CPLANE1: variants seen among roughly 807,000 people sequenced by gnomAD.
The protein encoded by CPLANE1 is ciliogenesis and planar polarity effector 1.
Under a neutral mutation model 362.5 loss-of-function variants are expected in CPLANE1, and 263 were observed. The ratio of observed to expected loss-of-function variants is 0.73; its 90% CI spans 0.66 to 0.80. CPLANE1 has a LOEUF of 0.80. Among genes scored for constraint, CPLANE1 ranks in the 30% least tolerant of loss-of-function variants. CPLANE1 has a pLI of 0.00. For missense variants in CPLANE1, 3,461 were observed against 3,793.4 expected, an observed-to-expected ratio of 0.91 and a Z score of 2.30; for synonymous variants, 1,212 against 1,302.6, an observed-to-expected ratio of 0.93 and a Z score of 1.50.
chr5:37,173,007 T>A (rs1204671806), intron 32 of CPLANE1, among the ~76,000 whole-genome samples: 5 of 151,900 alleles, frequency 3.3e-5, no homozygotes, highest in Admixed American at 6.6e-5. Context: ...ATAAAAAAAA[T>A]TTTTAAAAAG....
intron 18 of CPLANE1, among the ~76,000 whole-genome samples, chr5:37,204,748 T>A (rs1451571615): frequency 1.3e-4 from 19 of 142,260 alleles, no homozygotes; most frequent in Admixed American, 2.1e-4. Flanking sequence ...CTTTAATATT[T>A]AAAAAAAAAA....
In CPLANE1 at chr5:37,158,299, A is replaced by C; in HGVS notation, c.7737T>G (p.Tyr2579Ter). The C allele has an allele frequency of 6.2e-7, 1 of 1,613,958 alleles. No homozygotes were observed. The highest frequency in any genetic ancestry group is 8.5e-7 in the Non-Finnish European group (1 of 1,179,904). ...TAPQLLVPDVYLNLKLSSEMS... is the reference protein window; with the variant it reads ...TAPQLLVPDV Reference sequence around the variant, plus strand: ...TTTCACTGGAAAGCTTCAGATTTAGATAGACATCTGGGACCAAGAGCTGAG... The same window carrying C: ...TTTCACTGGAAAGCTTCAGATTTAGCTAGACATCTGGGACCAAGAGCTGAG... The change falls in exon 39 of 53, where the codon TAT (tyrosine) becomes TAG (stop). Residue 2579 changes from tyrosine to a stop codon, truncating the protein, a stop_gained. Coordinates refer to ENST00000651892, the MANE Select transcript of CPLANE1 (RefSeq NM_001384732.1). LOFTEE classifies it high-confidence loss of function.
chr5:37,220,880 C>T (rs1303870107), intron 15 of CPLANE1, among the ~76,000 whole-genome samples: 4 of 152,188 alleles, frequency 2.6e-5, no homozygotes, highest in Non-Finnish European at 4.4e-5. Context: ...CACTAAACTG[C>T]TGTAAGCAAT....
chr5:37,084,928 C>G, the CPLANE1 span: 2 of 486,432 alleles, frequency 4.1e-6, no homozygotes, highest in Non-Finnish European at 7.4e-6. Flanking sequence ...ACATTTCATG[C>G]AAATGGACAC....
chr5:37,206,344 G>T lies in CPLANE1; in HGVS notation c.3002C>A (p.Thr1001Lys). 1 of 1,551,586 alleles carries T rather than the reference G, an allele frequency of 6.4e-7. No individual in the cohort carries two copies. Among genetic ancestry groups the T allele is most frequent in the South Asian group, 1.2e-5 (1 of 84,056 alleles). The change falls in exon 17 of 53, where the codon ACA (threonine) becomes AAA (lysine). Residue 1001 changes from threonine to lysine, a missense_variant. Physicochemically the swap from Thr to Lys is moderately conservative, Grantham distance 78 (BLOSUM62 -1). Coordinates refer to ENST00000651892, the MANE Select transcript of CPLANE1 (RefSeq NM_001384732.1). ...TAGTAATTCAAGTGCATATTCAACT[G>T]TCCACACATTAGAGAGATTCTGATC... The part of the protein sequence containing the change: ...VRDQNLSNVW[T>K]VEYALELLFI...
chr5:37,170,890 C>T (rs1386860952), intron 32 of CPLANE1, among the ~76,000 whole-genome samples: 2 of 152,160 alleles, frequency 1.3e-5, no homozygotes, highest in African/African-American at 4.8e-5. Context: ...GAGCCAAGAT[C>T]GTGCCACTGC....
chr5:37,122,368 T>A (rs897860506), intron 48 of CPLANE1, 62 bp downstream of exon 48: 38 of 1,260,070 alleles, frequency 3.0e-5, no homozygotes, highest in Non-Finnish European at 4.4e-5. Context: ...CCTAAGGCAT[T>A]AATCTATGCC....
rs992985282 is a variant in CPLANE1 at position 37,206,413 on chromosome 5, C to T, written c.2933G>A (p.Arg978Gln). 14 of 1,549,660 alleles carry T rather than the reference C, an allele frequency of 9.0e-6. No homozygotes were observed. Among genetic ancestry groups the T allele is most frequent in the East Asian group, 4.9e-5 (2 of 40,918 alleles). Reference sequence around the variant, plus strand: ...CTTAGAGTGTTGCAGAGGAATAAGTCGAAAGGACTGCTCTGTGAGTAAATT... The same window carrying T: ...CTTAGAGTGTTGCAGAGGAATAAGTTGAAAGGACTGCTCTGTGAGTAAATT... ...PLHIKTEQSF[R>Q]LIPLQHSKVA... Residue 978 changes from arginine to glutamine, a missense_variant, in exon 17 of 53, where the codon CGA (arginine) becomes CAA (glutamine). Arg to Gln is a conservative substitution (Grantham distance 43, BLOSUM62 1). Coordinates refer to ENST00000651892, the MANE Select transcript of CPLANE1 (RefSeq NM_001384732.1).
chr5:37,242,345 C>T (rs1800747647), intron 6 of CPLANE1, among the ~76,000 whole-genome samples: 1 of 151,116 alleles, frequency 6.6e-6, no homozygotes, highest in African/African-American at 2.4e-5. Flanking sequence ...CAGAGCAAGA[C>T]TCCATCTCAA....
intron 32 of CPLANE1, 51 bp downstream of exon 32, chr5:37,173,704 C>T (rs1009639502): frequency 7.0e-7 from 1 of 1,421,670 alleles, no homozygotes; most frequent in South Asian, 1.2e-5. Flanking sequence ...TTTTAAAACC[C>T]TACATGTACA....
intron 25 of CPLANE1, 90 bp from the exon 26 acceptor site, chr5:37,183,789 G>T: frequency 1.1e-6 from 1 of 886,468 alleles, no homozygotes; most frequent in Non-Finnish European, 1.7e-6. Context: ...TCTCTCCAAT[G>T]ATTAAGTCAT....
In CPLANE1 at chr5:37,179,396, T is replaced by C. The variant is rs1273330212; in HGVS notation, c.5785A>G (p.Ile1929Val). 6.2e-7 allele frequency: 1 copy of C among 1,613,144 alleles called. No homozygotes were observed. Among genetic ancestry groups the C allele is most frequent in the African/African-American group, 1.3e-5 (1 of 74,888 alleles). The change falls in exon 29 of 53, where the codon ATT becomes GTT. Residue 1929 changes from isoleucine (I) to valine (V), a missense_variant. Ile to Val is a conservative substitution (Grantham distance 29). Around this residue, in one of 2 missense-constraint regions of CPLANE1, gnomAD observed 3,380 missense variants for 3,666.1 expected, o/e 0.92. Coordinates refer to ENST00000651892, the MANE Select transcript of CPLANE1 (RefSeq NM_001384732.1). ...VGGFRSPSLA[I>V]CMMTLPQQLE... ...TGCTGTGGTAAAGTCATCATGCAAA[T>C]GGCAAGACTGGGACTTCTGAAACCT...
chr5:37,140,200 T>C (rs1769243000), intron 44 of CPLANE1: 25 of 874,854 alleles, frequency 2.9e-5, no homozygotes, highest in Non-Finnish European at 3.4e-5. Flanking sequence ...AAAAACAGGA[T>C]TGAATTAATA....
At chr5:37,242,549 T>G (rs1402000241) in intron 6 of CPLANE1, among the ~76,000 whole-genome samples, 1 of 152,162 alleles carries the variant, frequency 6.6e-6, no homozygotes, top group Admixed American at 6.5e-5. Context: ...TTGTCTTATC[T>G]TTTACAAATT....
the CPLANE1 span, among the ~76,000 whole-genome samples, chr5:37,096,506 C>A: frequency 2.0e-5 from 3 of 152,142 alleles, no homozygotes; most frequent in Non-Finnish European, 4.4e-5. Context: ...GTAAGGATTT[C>A]ATGACCAAGA....
chr5:37,129,818 T>C (rs1765247840), intron 46 of CPLANE1, among the ~76,000 whole-genome samples: 1 of 152,162 alleles, frequency 6.6e-6, no homozygotes. Flanking sequence ...GTACAACCAC[T>C]ATGGAAAACA....
At chr5:37,098,200 T>G in the CPLANE1 span, among the ~76,000 whole-genome samples, 118 of 151,842 alleles carry the variant, frequency 7.8e-4, no homozygotes, top group Non-Finnish European at 1.3e-3. Context: ...GAGACCAGCC[T>G]GGCCAAGATG....
chr5:37,084,984 T>G, the CPLANE1 span: 1 of 564,692 alleles, frequency 1.8e-6, no homozygotes, highest in Non-Finnish European at 3.2e-6. Context: ...CAAAACCAAC[T>G]TTAAAGCAAC....
At chr5:37,170,703 C>T (rs768235936) in intron 32 of CPLANE1, among the ~76,000 whole-genome samples, 12 of 151,974 alleles carry the variant, frequency 7.9e-5, no homozygotes, top group African/African-American at 1.5e-4. Context: ...TTTGGGAGGC[C>T]GAGGCAGGCA....
Sources: gnomAD v4.1 joint callset for allele counts (sites outside exome capture counted in the v4.1 genomes callset) on GRCh38, gnomAD v4.1.1 for gene constraint, gnomAD v4.1.1 regional missense constraint, MANE v1.5 for transcripts, NCBI Gene and HGNC (gene_info 2026-07-23, HGNC 2026-07-21) for gene names.